The following PIEZO2 variants were observed in gnomAD, a reference collection of about 807,000 sequenced individuals.
PIEZO2 encodes piezo type mechanosensitive ion channel component 2, also known as piezo-type mechanosensitive ion channel component 2.
In PIEZO2, 172 loss-of-function variants were observed where a neutral mutation model predicts 337.3. The observed-to-expected ratio is 0.51, with a 90% CI of 0.45 to 0.58. PIEZO2 has a LOEUF of 0.58. Among genes scored for constraint, PIEZO2 ranks in the 20% least tolerant of loss-of-function variants. PIEZO2 has a pLI of 0.00. For missense variants in PIEZO2, 3,028 were observed against 3,391.3 expected, an observed-to-expected ratio of 0.89 and a Z score of 2.66; for synonymous variants, 1,251 against 1,228.5, an observed-to-expected ratio of 1.02 and a Z score of -0.38.
At chr18:10,989,309 A>G (rs983362938) in intron 2 of PIEZO2, among the ~76,000 whole-genome samples, 2 of 152,138 alleles carry the variant, frequency 1.3e-5, no homozygotes, top group Non-Finnish European at 2.9e-5. Context: ...GACAAACTAG[A>G]TCAATACATA....
At chr18:10,757,523 G>GATGGGGATGAGGATGAGCT (rs1441834935) in intron 27 of PIEZO2, among the ~76,000 whole-genome samples, 4 of 35,234 alleles carry the variant, frequency 1.1e-4, no homozygotes, top group East Asian at 2.7e-3. Flanking sequence ...GAGGAGGAGG[G>GATGGGGATGAGGATGAGCT]ATGGGGATGA....
intron 33 of PIEZO2, chr18:10,739,339 A>G (rs1284896952): frequency 6.6e-6 from 1 of 152,218 alleles, no homozygotes; most frequent in Non-Finnish European, 1.5e-5. Context: ...ATGAGGGTGA[A>G]ATGAACCAGA....
rs761897476 is a variant in PIEZO2 at position 10,724,749 on chromosome 18, C to G, written c.5030-6490G>C. On this transcript the variant is annotated intron_variant, in intron 36 of 55. Transcript: ENST00000674853. This position sits in a 1 kb window ranked among gnomAD's most constrained non-coding sequence, Gnocchi z 5.8. ...CACCACTGTACCCCTGGTCTCAGTC[C>G]CTGGCCTTGCCCGTGGCTCTGGCAG... 1 of 1,552,572 alleles carries G rather than the reference C, an allele frequency of 6.4e-7. No individual in the cohort carries two copies. Among genetic ancestry groups the G allele is most frequent in the South Asian group, 1.2e-5 (1 of 81,706 alleles).
At position 10,672,620 on chromosome 18, in the gene PIEZO2, T is replaced by C; in HGVS notation, c.8345+70A>G. ...AGCGAATTCTAAGAAGATAAAAGGCTTCCCACTCTCAACTTTACATGATAC... is the reference window on the plus strand; with the variant it reads ...AGCGAATTCTAAGAAGATAAAAGGCCTCCCACTCTCAACTTTACATGATAC... On this transcript the variant is annotated intron_variant, in intron 55 of 55. Transcript: ENST00000674853. The surrounding 1 kb of genome is among the most constrained non-coding windows in gnomAD (Gnocchi z 4.7). The C allele has an allele frequency of 6.6e-7, 1 of 1,509,312 alleles. No homozygotes were observed. The highest frequency in any genetic ancestry group is 9.0e-7 in the Non-Finnish European group (1 of 1,112,682). 93.5% of individuals were successfully genotyped at this position (1,509,312 alleles called of 1,614,324 possible).
In PIEZO2 at chr18:10,766,064, C is replaced by T. The variant is rs1266899974; in HGVS notation, c.2947-2966G>A. Among the ~76,000 whole-genome samples the T allele has an allele frequency of 1.3e-5, 2 of 152,078 alleles. No homozygotes were observed. Among genetic ancestry groups the T allele is most frequent in the African/African-American group, 4.8e-5 (2 of 41,392 alleles). On this transcript the variant is annotated intron_variant, in intron 21 of 55. Transcript: ENST00000674853. This position sits in a 1 kb window ranked among gnomAD's most constrained non-coding sequence, Gnocchi z 6.1. ...CATTTTACAAATAGAAAAACTGGGG[C>T]TCAGTGAATGAAGTATGATACTTCA...
chr18:11,082,352 C>T (rs1342866024), intron 1 of PIEZO2, among the ~76,000 whole-genome samples: 1 of 150,754 alleles, frequency 6.6e-6, no homozygotes, highest in African/African-American at 2.4e-5. Context: ...GAGACTTGCT[C>T]TGTCACCCAG....
chr18:10,808,153 A>G (rs1389489584), intron 7 of PIEZO2, among the ~76,000 whole-genome samples: 2 of 152,164 alleles, frequency 1.3e-5, no homozygotes, highest in Admixed American at 6.5e-5. Context: ...CAGCAGCATG[A>G]TCACAGCCCA....
rs2037610618 is a variant in PIEZO2, at chr18:10,750,624, A to C, written c.4168-437T>G. ...TAAGCTGCAGGGTGTAGTTCTTAGA[A>C]CAAAACAGAGTATGTGTTTTGAGTC... On this transcript the variant is annotated intron_variant, in intron 28 of 55. Coordinates refer to ENST00000674853, the MANE Select transcript of PIEZO2 (RefSeq NM_001378183.1). The surrounding 1 kb of genome is among the most constrained non-coding windows in gnomAD (Gnocchi z 4.1). 6.6e-6 allele frequency among the ~76,000 whole-genome samples: 1 copy of C among 152,126 alleles called. No homozygotes were observed. Among genetic ancestry groups the C allele is most frequent in the Non-Finnish European group, 1.5e-5 (1 of 68,022 alleles).
In PIEZO2 at chr18:11,024,151, C is replaced by T. The variant is rs144355319; in HGVS notation, c.160+41976G>A. Among the ~76,000 whole-genome samples, 479 of 152,300 alleles carry T rather than the reference C, an allele frequency of 3.1e-3. 1 individual carries two copies. Among genetic ancestry groups the T allele is most frequent in the Non-Finnish European group, 4.4e-3 (298 of 68,026 alleles). On this transcript the variant is annotated intron_variant, in intron 2 of 55. Coordinates refer to ENST00000674853, the MANE Select transcript of PIEZO2 (RefSeq NM_001378183.1). ...GCGCGGCCTGAGTGGGCGCCAAGGC[C>T]GCAGAGGCACCGAAAGCGAGCGAGG...
rs745618117 is a variant in PIEZO2 at position 10,882,834 on chromosome 18, C to CTTTTT, written c.330-11424_330-11420dup. Among the ~76,000 whole-genome samples the CTTTTT allele has an allele frequency of 3.3e-3, 366 of 109,864 alleles. 30 individuals carry two copies. Among genetic ancestry groups the CTTTTT allele is most frequent in the East Asian group, 4.7e-3 (15 of 3,174 alleles). 72.1% of individuals were successfully genotyped at this position (109,864 alleles called of 152,430 possible). A position where few individuals can be genotyped will look rare whatever the true frequency, so the allele number is the denominator to read the frequency against. ...CCATTGTGCATATGTACCACATTTT[C>CTTTTT]TTTTTTTCTTTTTTTTTTTTTTTGA... On this transcript the variant is annotated intron_variant, in intron 4 of 55. Transcript: ENST00000674853.
At chr18:11,052,806 C>G (rs2037578909) in intron 2 of PIEZO2, among the ~76,000 whole-genome samples, 1 of 152,170 alleles carries the variant, frequency 6.6e-6, no homozygotes, top group Non-Finnish European at 1.5e-5. Context: ...ATGTAACATA[C>G]AGGTATGTGA....
rs565168307 is a variant in PIEZO2 at position 11,104,624 on chromosome 18, G to A, written c.65-38402C>T. 2.6e-4 allele frequency among the ~76,000 whole-genome samples: 39 copies of A among 152,340 alleles called. No homozygotes were observed. Among genetic ancestry groups the A allele is most frequent in the Non-Finnish European group, 5.3e-4 (36 of 68,028 alleles). On this transcript the variant is annotated intron_variant, in intron 1 of 55. Transcript: ENST00000674853. This position sits in a 1 kb window ranked among gnomAD's most constrained non-coding sequence, Gnocchi z 4.6. ...CATTCTCTTCTCCCCGTGTCACAAG[G>A]TGGGCAGTGCCCAGGGACAGCAGCT...
intron 1 of PIEZO2, among the ~76,000 whole-genome samples, chr18:11,086,616 T>G (rs1335400264): frequency 6.6e-6 from 1 of 152,138 alleles, no homozygotes; most frequent in African/African-American, 2.4e-5. Context: ...TTATGAAATA[T>G]CCACACAAAT....
At chr18:10,671,801 A>G in intron 55 of PIEZO2, 22 bp from the exon 56 acceptor site, 2 of 1,586,902 alleles carry the variant, frequency 1.3e-6, no homozygotes, top group Non-Finnish European at 8.6e-7. Flanking sequence ...AGTAAGTAGA[A>G]ATTGCATACA....
At chr18:10,725,761 G>T (rs1248734369) in intron 36 of PIEZO2, among the ~76,000 whole-genome samples, 1 of 152,232 alleles carries the variant, frequency 6.6e-6, no homozygotes, top group Non-Finnish European at 1.5e-5. Flanking sequence ...GGCCCTGACA[G>T]GCCAGAGGGA....
In PIEZO2 at chr18:11,109,017, G is replaced by A. The variant is rs2039655427; in HGVS notation, c.64+39508C>T. On this transcript the variant is annotated intron_variant, in intron 1 of 55. Transcript: ENST00000674853. The surrounding 1 kb of genome is among the most constrained non-coding windows in gnomAD (Gnocchi z 5.1). ...CCCTGTCAGTACCACCAGCACCAAGGTGGGGGCGAACCCAGCCCACCAACA... is the reference window on the plus strand; with the variant it reads ...CCCTGTCAGTACCACCAGCACCAAGATGGGGGCGAACCCAGCCCACCAACA... Among the ~76,000 whole-genome samples the A allele has an allele frequency of 6.6e-6, 1 of 152,192 alleles. No individual in the cohort carries two copies. The highest frequency in any genetic ancestry group is 1.5e-5 in the Non-Finnish European group (1 of 68,040).
rs2037018307 is a variant in PIEZO2, at chr18:11,038,940, A to AC, written c.160+27186dup. 6.6e-6 allele frequency among the ~76,000 whole-genome samples: 1 copy of AC among 152,220 alleles called. No individual in the cohort carries two copies. The highest frequency in any genetic ancestry group is 1.5e-5 in the Non-Finnish European group (1 of 68,042). On this transcript the variant is annotated intron_variant, in intron 2 of 55. Coordinates refer to ENST00000674853, the MANE Select transcript of PIEZO2 (RefSeq NM_001378183.1). The surrounding 1 kb of genome is among the most constrained non-coding windows in gnomAD (Gnocchi z 4.1). The stretch of plus-strand genomic sequence containing the variant: ...TGATTTTGAAACCACTGTAGCTTTG[A>AC]CTAGACATAGGTGGATAGGTGTTTG...
intron 18 of PIEZO2, among the ~76,000 whole-genome samples, chr18:10,779,144 T>G (rs994571457): frequency 5.9e-5 from 9 of 152,182 alleles, no homozygotes; most frequent in African/African-American, 2.2e-4. Context: ...TCCTCCTCCC[T>G]CAGCAATCCA....
chr18:10,989,491 C>CA (rs71169964), intron 2 of PIEZO2, among the ~76,000 whole-genome samples: 40,799 of 143,058 alleles, frequency 0.29, 6,309 homozygotes, highest in East Asian at 0.5. Context: ...AGCTCTAAGA[C>CA]AAAAAAAAAA....
Sources: gnomAD v4.1 joint callset for allele counts (sites outside exome capture counted in the v4.1 genomes callset) on GRCh38, gnomAD v4.1.1 for gene constraint, Gnocchi (gnomAD v3.1) non-coding constraint, MANE v1.5 for transcripts, NCBI Gene and HGNC (gene_info 2026-07-23, HGNC 2026-07-21) for gene names.